PLCE1: variants seen among roughly 807,000 people sequenced by gnomAD.
PLCE1 encodes the protein phospholipase C epsilon 1.
In PLCE1, 119 loss-of-function variants were observed where a neutral mutation model predicts 242.8. The observed-to-expected ratio is 0.49, with a 90% confidence interval of 0.42 to 0.57. PLCE1 has a LOEUF of 0.57. PLCE1 is among the 20% of genes least tolerant of loss of function. The pLI is 0.00. For missense variants in PLCE1, 2,441 were observed against 2,788.8 expected (o/e 0.88, Z 2.81); for synonymous variants, 945 against 1,017.4 (o/e 0.93, Z 1.35).
chr10:94,223,472 G>A (rs923401023), intron 4 of PLCE1, among the ~76,000 whole-genome samples: 3 of 152,172 alleles, frequency 2.0e-5, no homozygotes, highest in Non-Finnish European at 4.4e-5. Flanking sequence ...CATTTTGAAT[G>A]ATGCAAGAAA....
At chr10:94,305,709 G>A (rs58767009) in intron 25 of PLCE1, among the ~76,000 whole-genome samples, 1,875 of 152,266 alleles carry the variant, frequency 0.012, 45 homozygotes, top group African/African-American at 0.042. Context: ...TTCCTAACAC[G>A]TCTGTGACTT....
intron 3 of PLCE1, among the ~76,000 whole-genome samples, chr10:94,136,360 T>A (rs182897874): frequency 6.6e-6 from 1 of 152,340 alleles, no homozygotes; most frequent in East Asian, 1.9e-4. Flanking sequence ...TACCACTGAA[T>A]TGTACACTTA....
rs1251886001 is a variant in PLCE1, at chr10:94,186,208, C to G, written c.1809+14712C>G. Reference sequence around the variant, plus strand: ...ATGGGGCTTCCTCATCTGTTCTGAACAGTGAGTCTCTTCCTTCTCTCAATT... The same window carrying G: ...ATGGGGCTTCCTCATCTGTTCTGAAGAGTGAGTCTCTTCCTTCTCTCAATT... On this transcript the variant is annotated intron_variant, in intron 4 of 32. Coordinates refer to ENST00000371380, the MANE Select transcript of PLCE1 (RefSeq NM_016341.4). Among the ~76,000 whole-genome samples the G allele has an allele frequency of 2.0e-5, 3 of 152,204 alleles. No individual in the cohort carries two copies. The East Asian group carries it at 5.8e-4, about 29-fold the overall frequency.
intron 27 of PLCE1, among the ~76,000 whole-genome samples, chr10:94,313,038 A>C (rs541450524): frequency 8.8e-4 from 134 of 152,330 alleles, no homozygotes; most frequent in African/African-American, 2.6e-3. Context: ...GAGACACTGT[A>C]ATTTAAAATA....
rs773093424 is a variant in PLCE1, at chr10:94,252,403, G to C, written c.3184G>C (p.Gly1062Arg). The C allele has an allele frequency of 5.6e-6, 9 of 1,613,998 alleles. No individual in the cohort carries two copies. Among genetic ancestry groups the C allele is most frequent in the Non-Finnish European group, 7.6e-6 (9 of 1,179,972 alleles). ...RRWSARNPSP[G>R]TSAKNAEKPN... The stretch of plus-strand genomic sequence containing the variant: ...GTGGAGTGCTCGAAACCCCAGCCCC[G>C]GAACATCAGCAAAGAATGCTGAGAA... Residue 1062 changes from glycine (G) to arginine (R), a missense_variant, in exon 9 of 33, where the codon GGA (glycine) becomes CGA (arginine). Coordinates refer to ENST00000371380, the MANE Select transcript of PLCE1 (RefSeq NM_016341.4).
chr10:94,252,545 C>A, intron 9 of PLCE1, 47 bp downstream of exon 9: 1 of 1,483,120 alleles, frequency 6.7e-7, no homozygotes, highest in Non-Finnish European at 9.3e-7. Context: ...CTTCCAGGAC[C>A]GCTGTATGGT....
chr10:94,156,933 T>A (rs935334965), intron 3 of PLCE1, among the ~76,000 whole-genome samples: 3 of 152,094 alleles, frequency 2.0e-5, no homozygotes, highest in Non-Finnish European at 2.9e-5. Context: ...ATATATATAT[T>A]TTTTATTATG....
chr10:94,125,572 A>G (rs2046415027), intron 2 of PLCE1, among the ~76,000 whole-genome samples: 1 of 152,114 alleles, frequency 6.6e-6, no homozygotes, highest in South Asian at 2.1e-4. Context: ...TGATAATAGT[A>G]GAACCTCTTC....
intron 2 of PLCE1, among the ~76,000 whole-genome samples, chr10:94,087,569 G>A (rs925065037): frequency 6.6e-6 from 1 of 151,564 alleles, no homozygotes; most frequent in Admixed American, 6.6e-5. Context: ...GTCAAGTAGC[G>A]GAGACTACAG....
chr10:94,221,299 GGTGT>G (rs145689705), intron 4 of PLCE1, among the ~76,000 whole-genome samples: 1 of 151,756 alleles, frequency 6.6e-6, no homozygotes, highest in Non-Finnish European at 1.5e-5. Flanking sequence ...CCTCTGCAAG[GGTGT>G]GTGTGTGTGT....
intron 4 of PLCE1, among the ~76,000 whole-genome samples, chr10:94,176,855 G>C (rs780452468): frequency 1.3e-5 from 2 of 152,178 alleles, no homozygotes; most frequent in Admixed American, 6.5e-5. Flanking sequence ...AACAGAGAAG[G>C]CTGGGGTGTC....
At chr10:94,278,640 A>T (rs2052056578) in intron 19 of PLCE1, among the ~76,000 whole-genome samples, 1 of 152,166 alleles carries the variant, frequency 6.6e-6, no homozygotes, top group Non-Finnish European at 1.5e-5. Context: ...CTGAGAAGGG[A>T]TCCTGTCTCA....
At position 94,306,797 on chromosome 10, in the gene PLCE1, T is replaced by C. The variant is rs918079754; in HGVS notation, c.5884+109T>C. On this transcript the variant is annotated intron_variant, in intron 26 of 32. Coordinates refer to ENST00000371380, the MANE Select transcript of PLCE1 (RefSeq NM_016341.4). The surrounding 1 kb of genome is among the most constrained non-coding windows in gnomAD (Gnocchi z 5.7). ...TGTTTGACATTTTCCTATAAAGAAGTTGAATTAAGAAGCAAAAGGAAATAC... is the reference window on the plus strand; with the variant it reads ...TGTTTGACATTTTCCTATAAAGAAGCTGAATTAAGAAGCAAAAGGAAATAC... 34 of 920,620 alleles carry C rather than the reference T, an allele frequency of 3.7e-5. No individual in the cohort carries two copies. The highest frequency in any genetic ancestry group is 5.3e-5 in the Non-Finnish European group (31 of 589,938). The allele number at this position is 920,620 out of a possible 1,614,324, so 57.0% of individuals were successfully genotyped here.
At chr10:94,227,553 T>C (rs1269697619) in intron 5 of PLCE1, 102 bp downstream of exon 5, 1 of 1,081,216 alleles carries the variant, frequency 9.2e-7, no homozygotes, top group Non-Finnish European at 1.4e-6. Context: ...CCAAGCCAGG[T>C]AACTGGAAAT....
At chr10:94,147,628 A>G (rs1330468852) in intron 3 of PLCE1, among the ~76,000 whole-genome samples, 1 of 152,138 alleles carries the variant, frequency 6.6e-6, no homozygotes, top group Non-Finnish European at 1.5e-5. Context: ...AAGAAGAATG[A>G]AACAATACCC....
At chr10:94,321,846 T>C (rs969832247) in intron 29 of PLCE1, 55 bp from the exon 30 acceptor site, 4 of 1,400,282 alleles carry the variant, frequency 2.9e-6, no homozygotes, top group Non-Finnish European at 4.0e-6. Flanking sequence ...AGATTTGTCT[T>C]TCTTTATTCT....
At chr10:94,252,288 T>C in intron 8 of PLCE1, 28 bp from the exon 9 acceptor site, 7 of 1,606,668 alleles carry the variant, frequency 4.4e-6, no homozygotes, top group South Asian at 1.1e-5. Flanking sequence ...ATGCTTCCTA[T>C]TGTGTTCACC....
chr10:94,157,783 T>G (rs1350248897), intron 3 of PLCE1, among the ~76,000 whole-genome samples: 1 of 152,206 alleles, frequency 6.6e-6, no homozygotes, highest in Non-Finnish European at 1.5e-5. Context: ...CCCTCTGATT[T>G]GTACATTGAG....
At chr10:94,105,447 C>T (rs553309566) in intron 2 of PLCE1, 1 of 152,264 alleles carries the variant, frequency 6.6e-6, no homozygotes, top group Non-Finnish European at 1.5e-5. Context: ...CTTATCACCA[C>T]TCACCCAAAC....
Sources: gnomAD v4.1 joint callset for allele counts (sites outside exome capture counted in the v4.1 genomes callset) on GRCh38, gnomAD v4.1.1 for gene constraint, Gnocchi (gnomAD v3.1) non-coding constraint, MANE v1.5 for transcripts, NCBI Gene and HGNC (gene_info 2026-07-23, HGNC 2026-07-21) for gene names.